The following PTCHD4 variants were observed in gnomAD, a reference collection of about 807,000 sequenced individuals.
The protein encoded by PTCHD4 is patched domain containing 4.
PTCHD4 carries 33 observed loss-of-function variants against 58.1 expected under a neutral mutation model. The observed-to-expected ratio is 0.57, with a 90% CI of 0.43 to 0.76. The LOEUF is 0.76. Among genes scored for constraint, PTCHD4 ranks in the 30% least tolerant of loss-of-function variants. PTCHD4 has a pLI of 0.00. For synonymous variants in PTCHD4, 478 were observed against 409.6 expected, an observed-to-expected ratio of 1.17 and a Z score of -2.02; for missense variants, 1,058 against 1,027.1, an observed-to-expected ratio of 1.03 and a Z score of -0.41.
chr6:47,889,285 G>A (rs1335133425), intron 4 of PTCHD4, among the ~76,000 whole-genome samples: 2 of 115,100 alleles, frequency 1.7e-5, no homozygotes, highest in East Asian at 2.8e-4. Context: ...CAGTGTAAAA[G>A]TGTTCCTATT....
chr6:48,077,685 T>C (rs924530705), intron 1 of PTCHD4, among the ~76,000 whole-genome samples: 5 of 152,214 alleles, frequency 3.3e-5, no homozygotes, highest in African/African-American at 1.2e-4. Context: ...CATTCTTGAA[T>C]ACTTAGAGGC....
At chr6:48,024,281 A>T (rs911547912) in intron 3 of PTCHD4, among the ~76,000 whole-genome samples, 4 of 152,256 alleles carry the variant, frequency 2.6e-5, no homozygotes, top group Admixed American at 2.0e-4. Flanking sequence ...CTCAGCTTAC[A>T]TTACAAATAC....
At position 47,964,043 on chromosome 6, in the gene PTCHD4, G is replaced by A. The variant is rs192122208; in HGVS notation, c.898+44591C>T. On this transcript the variant is annotated intron_variant, in intron 4 of 4. Coordinates refer to ENST00000339488, the MANE Select transcript of PTCHD4 (RefSeq NM_001384253.1). ...GATAATACTGTTGCATGAGGATAATGCTGTTGTATGAAGATAAATACTTCA... is the reference window on the plus strand; with the variant it reads ...GATAATACTGTTGCATGAGGATAATACTGTTGTATGAAGATAAATACTTCA... Among the ~76,000 whole-genome samples the A allele has an allele frequency of 1.4e-4, 22 of 152,170 alleles. No individual in the cohort carries two copies. The East Asian group carries it at 2.7e-3, about 19-fold the overall frequency.
At chr6:48,109,190 T>G (rs1358756260) in intron 1 of PTCHD4, among the ~76,000 whole-genome samples, 2 of 152,116 alleles carry the variant, frequency 1.3e-5, no homozygotes, top group Admixed American at 1.3e-4. Context: ...ACTTATGAGT[T>G]GTCTAATAAT....
In PTCHD4 at chr6:48,035,567, C is replaced by G. The variant is rs377124222; in HGVS notation, c.418-26453G>C. On this transcript the variant is annotated intron_variant, in intron 3 of 4. Transcript: ENST00000339488. Reference sequence around the variant, plus strand: ...AGATTCTCTCCTTGAAGAAACTCTACTCAAGCTCTTCTGAGATCTTTTTTA... The same window carrying G: ...AGATTCTCTCCTTGAAGAAACTCTAGTCAAGCTCTTCTGAGATCTTTTTTA... 1.2e-3 allele frequency among the ~76,000 whole-genome samples: 189 copies of G among 152,284 alleles called. 4 individuals carry two copies. The South Asian group carries it at 0.038, about 30-fold the overall frequency.
chr6:48,045,337 T>C (rs1763996796), intron 3 of PTCHD4, among the ~76,000 whole-genome samples: 1 of 151,842 alleles, frequency 6.6e-6, no homozygotes, highest in Non-Finnish European at 1.5e-5. Context: ...AGGTGAGAAA[T>C]AGAGTAATTC....
chr6:48,102,905 G>A (rs1765638049), intron 1 of PTCHD4, among the ~76,000 whole-genome samples: 1 of 152,224 alleles, frequency 6.6e-6, no homozygotes, highest in Admixed American at 6.5e-5. Flanking sequence ...GAGGCTGGGG[G>A]AGGGGTGCCC....
chr6:47,943,370 C>T lies in PTCHD4; in HGVS notation c.899-63434G>A, dbSNP rs117760396. Among the ~76,000 whole-genome samples the T allele has an allele frequency of 1.1e-3, 164 of 152,146 alleles. 1 individual carries two copies. In the East Asian group the frequency reaches 0.029, roughly 27 times the overall value. On this transcript the variant is annotated intron_variant, in intron 4 of 4. Transcript: ENST00000339488. The stretch of plus-strand genomic sequence containing the variant: ...TCCTAAGAATACCCTTATTTTTTAT[C>T]ATTCAGTAATTCAACAGACATTAGA...
chr6:47,925,158 G>A (rs1257449011), intron 4 of PTCHD4, among the ~76,000 whole-genome samples: 2 of 149,220 alleles, frequency 1.3e-5, no homozygotes, highest in South Asian at 2.1e-4. Context: ...ATGTATATGT[G>A]TTTATATGTG....
In PTCHD4 at chr6:47,863,152, T is replaced by C. The variant is rs1299242783; in HGVS notation, c.*15151A>G. 6.6e-6 allele frequency among the ~76,000 whole-genome samples: 1 copy of C among 151,934 alleles called. No homozygotes were observed. Among genetic ancestry groups the C allele is most frequent in the East Asian group, 1.9e-4 (1 of 5,156 alleles). ...ATTTTTGTGTTGTATCTGAGACTTA[T>C]GTGGTCCCACATGCAGGGGCAGATC... On this transcript the variant is annotated 3_prime_UTR_variant, in exon 5 of 5. Coordinates refer to ENST00000339488, the MANE Select transcript of PTCHD4 (RefSeq NM_001384253.1).
chr6:48,029,783 G>A (rs1256504959), intron 3 of PTCHD4, among the ~76,000 whole-genome samples: 2 of 152,056 alleles, frequency 1.3e-5, no homozygotes, highest in Admixed American at 1.3e-4. Flanking sequence ...CCAAGGTTTT[G>A]ACTAGAGTAT....
chr6:48,048,708 G>A (rs774880162), intron 3 of PTCHD4, among the ~76,000 whole-genome samples: 1 of 151,894 alleles, frequency 6.6e-6, no homozygotes, highest in Non-Finnish European at 1.5e-5. Context: ...TAACATCCAG[G>A]AAGCACCAGC....
At chr6:48,007,242 C>CA (rs1217945497) in intron 4 of PTCHD4, among the ~76,000 whole-genome samples, 3 of 150,570 alleles carry the variant, frequency 2.0e-5, no homozygotes, top group South Asian at 2.1e-4. Flanking sequence ...TCTGTCCCCC[C>CA]AAAAAAAAGA....
chr6:48,104,609 C>T (rs947477771), intron 1 of PTCHD4, among the ~76,000 whole-genome samples: 50 of 152,120 alleles, frequency 3.3e-4, no homozygotes, highest in Admixed American at 1.2e-3. Flanking sequence ...CAATACTAAC[C>T]TTAAATGTAA....
At chr6:47,975,337 C>T (rs977562994) in intron 4 of PTCHD4, among the ~76,000 whole-genome samples, 4 of 152,134 alleles carry the variant, frequency 2.6e-5, no homozygotes, top group African/African-American at 7.2e-5. Flanking sequence ...TATTCAAATA[C>T]CAAGGTATCC....
intron 4 of PTCHD4, among the ~76,000 whole-genome samples, chr6:47,964,420 A>G (rs183574305): frequency 3.3e-3 from 495 of 152,264 alleles, no homozygotes; most frequent in African/African-American, 0.011. Context: ...AAGCCTCCAC[A>G]GTTTCAACCT....
At chr6:47,956,578 C>A (rs964192129) in intron 4 of PTCHD4, among the ~76,000 whole-genome samples, 26 of 152,018 alleles carry the variant, frequency 1.7e-4, no homozygotes, top group African/African-American at 5.8e-4. Flanking sequence ...GGACTACAGG[C>A]GCCCACCACC....
intron 1 of PTCHD4, among the ~76,000 whole-genome samples, chr6:48,095,146 T>C (rs1413012552): frequency 6.6e-6 from 1 of 152,224 alleles, no homozygotes; most frequent in Non-Finnish European, 1.5e-5. Flanking sequence ...TACCAAATTG[T>C]GTACTTTATA....
intron 4 of PTCHD4, chr6:47,899,465 T>C (rs149993545): frequency 3.4e-4 from 131 of 384,644 alleles, no homozygotes; most frequent in Non-Finnish European, 4.4e-4. Flanking sequence ...GTATAGCTGT[T>C]GAAGATTCTT....
Sources: allele counts gnomAD v4.1 joint callset (sites outside exome capture counted in the v4.1 genomes callset), GRCh38; gene constraint gnomAD v4.1.1; transcripts MANE v1.5; gene names NCBI Gene and HGNC (gene_info 2026-07-23, HGNC 2026-07-21).